LCT: variants seen among roughly 807,000 people sequenced by gnomAD.
The protein encoded by LCT is lactase/phlorizin hydrolase.
In LCT, 90 loss-of-function variants were observed where a neutral mutation model predicts 173.0. That is an observed-to-expected ratio of 0.52 (90% CI 0.44 to 0.62). LCT has a LOEUF of 0.62. Among genes scored for constraint, LCT ranks in the 20% least tolerant of loss-of-function variants. The probability of loss-of-function intolerance (pLI) is 0.00; values close to 1 mark genes in which losing one functional copy is unlikely to be tolerated. For synonymous variants in LCT, 853 were observed against 957.6 expected, an observed-to-expected ratio of 0.89 and a Z score of 2.02; for missense variants, 1,864 against 2,431.4, an observed-to-expected ratio of 0.77 and a Z score of 4.91.
intron 14 of LCT, among the ~76,000 whole-genome samples, chr2:135,791,740 A>ATCAC (rs976866528): frequency 1.3e-5 from 2 of 152,142 alleles, no homozygotes; most frequent in African/African-American, 4.8e-5. Context: ...CCCCTTGGTG[A>ATCAC]GCCTGACTCT....
At chr2:135,816,531 GGGTCCTGGT>G (rs2077782573) in intron 6 of LCT, among the ~76,000 whole-genome samples, 1 of 152,244 alleles carries the variant, frequency 6.6e-6, no homozygotes, top group African/African-American at 2.4e-5. Flanking sequence ...GAGAGGAACT[GGGTCCTGGT>G]GGCATCGCTT....
Position 135,818,012 on chromosome 2 carries a change from G to T in LCT, c.1036C>A (p.Gln346Lys). 1 of 1,613,402 alleles carries T rather than the reference G, an allele frequency of 6.2e-7. No homozygotes were observed. The highest frequency in any genetic ancestry group is 8.5e-7 in the Non-Finnish European group (1 of 1,179,988). The change falls in exon 6 of 17, where the codon CAG becomes AAG. Residue 346 changes from glutamine to lysine, a missense_variant. Around this residue, in one of 4 missense-constraint regions of LCT, gnomAD observed 412 missense variants for 462.0 expected, o/e 0.89. Coordinates refer to ENST00000264162, the MANE Select transcript of LCT (RefSeq NM_002299.4). ...GSLALQPDQQQDHETTDSSPA... is the reference protein window; with the variant it reads ...GSLALQPDQQKDHETTDSSPA... ...GAGGAGTCCGTGGTCTCGTGGTCCT[G>T]CTGCTGGTCAGGCTGAAGGGCCAGG...
chr2:135,836,745 C>T lies in LCT; in HGVS notation c.425G>A (p.Arg142Gln), dbSNP rs143420596. 3.5e-5 allele frequency: 56 copies of T among 1,613,988 alleles called. No homozygotes were observed. The highest frequency in any genetic ancestry group is 2.7e-4 in the East Asian group (12 of 44,888). Reference protein sequence around the residue: ...HHQTLPASTLRRTEAFADLFA... With the variant: ...HHQTLPASTLQRTEAFADLFA... Reference sequence around the variant, plus strand: ...GAGGTCAGCAAAGGCTTCGGTTCTCCGGAGGGTGCTGGCAGGGAGGGTCTG... The same window carrying T: ...GAGGTCAGCAAAGGCTTCGGTTCTCTGGAGGGTGCTGGCAGGGAGGGTCTG... Residue 142 changes from arginine (R) to glutamine (Q), a missense_variant, in exon 1 of 17, where the codon CGG becomes CAG. Physicochemically the swap from Arg to Gln is conservative, Grantham distance 43 (BLOSUM62 1). Around this residue, in one of 4 missense-constraint regions of LCT, gnomAD observed 412 missense variants for 462.0 expected, o/e 0.89. Transcript: ENST00000264162.
At chr2:135,815,761 A>G (rs1575342533) in intron 6 of LCT, among the ~76,000 whole-genome samples, 1 of 152,072 alleles carries the variant, frequency 6.6e-6, no homozygotes, top group Non-Finnish European at 1.5e-5. Flanking sequence ...GTGCAGTGGC[A>G]TAATCTCGGC....
chr2:135,807,131 A>T lies in LCT; in HGVS notation c.4170T>A (p.Tyr1390Ter), dbSNP rs121908936. ...GFIWSAASAA[Y>*]QIEGAWRADG... is the part of the protein sequence containing the mutation. ...CCCACCATCCTGAACTCCTCACCTG[A>T]TATGCAGCAGAAGCTGCACTCCAGA... The change falls in exon 9 of 17, where the codon TAT becomes TAA. Residue 1390 changes from tyrosine to a stop codon, truncating the protein, a stop_gained. Coordinates refer to ENST00000264162, the MANE Select transcript of LCT (RefSeq NM_002299.4). LOFTEE classifies it high-confidence loss of function. The T allele has an allele frequency of 3.1e-4, 502 of 1,613,974 alleles. 2 individuals are homozygous for T. The highest frequency in any genetic ancestry group is 2.5e-6 in the Non-Finnish European group (3 of 1,179,984).
chr2:135,836,279 A>G (rs1679375439), intron 1 of LCT, among the ~76,000 whole-genome samples: 1 of 152,016 alleles, frequency 6.6e-6, no homozygotes, highest in Admixed American at 6.6e-5. Flanking sequence ...TCGGCCTCCC[A>G]AAGTGCTAGG....
intron 2 of LCT, among the ~76,000 whole-genome samples, chr2:135,831,945 G>A (rs542056210): frequency 2.6e-5 from 4 of 152,226 alleles, no homozygotes; most frequent in African/African-American, 7.2e-5. Context: ...AGGCTGGCGT[G>A]GTGGCTCAAG....
Position 135,789,735 on chromosome 2 carries a change from C to T in LCT, c.5399G>A (p.Trp1800Ter). Residue 1800 changes from tryptophan to a stop codon, truncating the protein, a stop_gained, in exon 16 of 17, where the codon TGG becomes TAG. Coordinates refer to ENST00000264162, the MANE Select transcript of LCT (RefSeq NM_002299.4). LOFTEE classifies it high-confidence loss of function. Reference sequence around the variant, plus strand: ...AAATCTCTCTGAAAAGCCTGTGGCCCACTCAAAATTGTCCATCGCACTCCA... The same window carrying T: ...AAATCTCTCTGAAAAGCCTGTGGCCTACTCAAAATTGTCCATCGCACTCCA... ...TVWSAMDNFE[W>*]ATGFSERFGL... 6.2e-7 allele frequency: 1 copy of T among 1,614,204 alleles called. No individual in the cohort carries two copies. Among genetic ancestry groups the T allele is most frequent in the Non-Finnish European group, 8.5e-7 (1 of 1,180,028 alleles).
chr2:135,791,286 T>C (rs532721966), intron 14 of LCT, among the ~76,000 whole-genome samples: 125 of 152,338 alleles, frequency 8.2e-4, no homozygotes, highest in African/African-American at 2.9e-3. Flanking sequence ...AAGTCACCCA[T>C]GTCTAGTCAA....
intron 11 of LCT, among the ~76,000 whole-genome samples, chr2:135,801,076 C>T (rs1378894804): frequency 1.3e-5 from 2 of 152,152 alleles, no homozygotes; most frequent in African/African-American, 4.8e-5. Context: ...TGTATGAAAC[C>T]CGCCCACAGC....
chr2:135,810,146 C>A, intron 7 of LCT, 153 bp from the exon 8 acceptor site: 1 of 624,478 alleles, frequency 1.6e-6, no homozygotes. Context: ...GCTAGTGCAC[C>A]ATTATTTTAT....
rs1438279386 is a variant in LCT at position 135,789,760 on chromosome 2, A to G, written c.5374T>C (p.Trp1792Arg). 6.2e-7 allele frequency: 1 copy of G among 1,614,228 alleles called. No homozygotes were observed. Among genetic ancestry groups the G allele is most frequent in the Admixed American group, 1.7e-5 (1 of 60,024 alleles). The change falls in exon 16 of 17, where the codon TGG becomes CGG. Residue 1792 changes from tryptophan (W) to arginine (R), a missense_variant. Physicochemically the swap from Trp to Arg is moderately radical, Grantham distance 101. Coordinates refer to ENST00000264162, the MANE Select transcript of LCT (RefSeq NM_002299.4). ...DKVDLRGYTVWSAMDNFEWAT... is the reference protein window; with the variant it reads ...DKVDLRGYTVRSAMDNFEWAT... ...CACTCAAAATTGTCCATCGCACTCC[A>G]AACTGTGTATCCTCGAAGGTCCACC... is the stretch of plus-strand genomic sequence containing the variant.
chr2:135,808,983 G>A lies in LCT; in HGVS notation c.3364C>T (p.Leu1122=), dbSNP rs776822781. 4 of 1,611,742 alleles carry A rather than the reference G, an allele frequency of 2.5e-6. No homozygotes were observed. Among genetic ancestry groups the A allele is most frequent in the Non-Finnish European group, 3.4e-6 (4 of 1,178,344 alleles). ...TCTGCCCAGTGTGTACTGAGGCTCA[G>A]CGAGATGACCCCCTTCTGCTCCTGC... ...YRQEQKGVIS[L]SLSTHWAEPK... Residue 1122 remains leucine, a synonymous_variant, in exon 8 of 17, where the codon CTG becomes TTG. Transcript: ENST00000264162.
chr2:135,826,712 C>T (rs912647622), intron 3 of LCT, among the ~76,000 whole-genome samples: 1 of 152,150 alleles, frequency 6.6e-6, no homozygotes, highest in Non-Finnish European at 1.5e-5. Context: ...TTGTCTGAAC[C>T]CATTAGCCTA....
At chr2:135,829,730 C>T (rs780445262) in intron 2 of LCT, 54 bp from the exon 3 acceptor site, 1 of 1,185,092 alleles carries the variant, frequency 8.4e-7, no homozygotes. Flanking sequence ...TCAAGACTAA[C>T]AGCCTCTCAG....
intron 13 of LCT, among the ~76,000 whole-genome samples, chr2:135,797,701 ACTGT>A (rs1482909541): frequency 2.6e-5 from 4 of 152,120 alleles, no homozygotes; most frequent in Non-Finnish European, 5.9e-5. Flanking sequence ...CACACGCCTG[ACTGT>A]CAGCCACTGC....
intron 3 of LCT, among the ~76,000 whole-genome samples, chr2:135,827,324 T>A (rs1197253618): frequency 6.6e-6 from 1 of 152,180 alleles, no homozygotes; most frequent in African/African-American, 2.4e-5. Context: ...CTAGTTCAAA[T>A]CCCAACCCTG....
chr2:135,826,136 T>G (rs986745440), intron 3 of LCT, among the ~76,000 whole-genome samples: 1 of 152,230 alleles, frequency 6.6e-6, no homozygotes, highest in African/African-American at 2.4e-5. Flanking sequence ...GTAAAAGGAA[T>G]AGATAACCAT....
chr2:135,812,840 G>A lies in LCT; in HGVS notation c.1824C>T (p.Pro608=), dbSNP rs1490764523. ...GIVLNSDWAE[P]LSPERPEDLR... is the part of the protein sequence containing the mutation. Reference sequence around the variant, plus strand: ...GGTCCTCAGGCCTCTCTGGAGACAGGGGTTCTGCCCAGTCTGAGTTCAGCA... The same window carrying A: ...GGTCCTCAGGCCTCTCTGGAGACAGAGGTTCTGCCCAGTCTGAGTTCAGCA... Residue 608 remains proline (P), a synonymous_variant, in exon 7 of 17, where the codon CCC becomes CCT. Transcript: ENST00000264162. 6.2e-7 allele frequency: 1 copy of A among 1,614,074 alleles called. No homozygotes were observed. Among genetic ancestry groups the A allele is most frequent in the African/African-American group, 1.3e-5 (1 of 74,926 alleles).
Sources: allele counts gnomAD v4.1 joint callset (sites outside exome capture counted in the v4.1 genomes callset), GRCh38; gene constraint gnomAD v4.1.1; regional missense constraint gnomAD v4.1.1; transcripts MANE v1.5; gene names NCBI Gene and HGNC (gene_info 2026-07-23, HGNC 2026-07-21).